ACAD10: variants seen among roughly 807,000 people sequenced by gnomAD.
The protein encoded by ACAD10 is ACAD-10.
A neutral mutation model predicts 116.8 loss-of-function variants in ACAD10; 112 were observed. That is an observed-to-expected ratio of 0.96 (90% CI 0.82 to 1.12). The LOEUF (loss-of-function observed/expected upper bound fraction) is 1.12. Among genes scored for constraint, ACAD10 ranks in the 50% most tolerant of loss-of-function variants. The pLI is 0.00. For missense variants in ACAD10, 1,259 were observed against 1,350.2 expected, an observed-to-expected ratio of 0.93 and a Z score of 1.06; for synonymous variants, 486 against 510.6, an observed-to-expected ratio of 0.95 and a Z score of 0.65.
rs1477794634 is a variant in ACAD10 at position 111,747,081 on chromosome 12, C to CA, written c.2290dup (p.Met764AsnfsTer45). 1.2e-6 allele frequency: 2 copies of CA among 1,611,938 alleles called. No individual in the cohort carries two copies. Among genetic ancestry groups the CA allele is most frequent in the Non-Finnish European group, 1.7e-6 (2 of 1,178,574 alleles). ...ACTGCTCTGCGCCTGACACGGGCAACATGGAGCTGCTGGTGAGGTATGGCA... is the reference window on the plus strand; with the variant it reads ...ACTGCTCTGCGCCTGACACGGGCAACAATGGAGCTGCTGGTGAGGTATGGCA... On this transcript the variant is annotated frameshift_variant, in exon 15 of 21. Coordinates refer to ENST00000313698, the MANE Select transcript of ACAD10 (RefSeq NM_025247.6). LOFTEE classifies it high-confidence loss of function.
In ACAD10 at chr12:111,701,999, C is replaced by T. The variant is rs543442151; in HGVS notation, c.188-163C>T. Among the ~76,000 whole-genome samples, 10 of 152,332 alleles carry T rather than the reference C, an allele frequency of 6.6e-5. No individual in the cohort carries two copies. The South Asian group carries it at 1.9e-3, about 28-fold the overall frequency. ...TTAGCATTGCTCTTCCTCTGGGGGT[C>T]TAAGGTTGAGATTTTGCATTTTGTG... On this transcript the variant is annotated intron_variant, in intron 2 of 20. Coordinates refer to ENST00000313698, the MANE Select transcript of ACAD10 (RefSeq NM_025247.6).
In ACAD10 at chr12:111,749,229, C is replaced by G. The variant is rs1659231764; in HGVS notation, c.2701C>G (p.Leu901Val). 6 of 1,614,128 alleles carry G rather than the reference C, an allele frequency of 3.7e-6. No individual in the cohort carries two copies. The highest frequency in any genetic ancestry group is 5.1e-6 in the Non-Finnish European group (6 of 1,180,026). ...GCGTGTGCCCAAAGAGAACATGGTC[C>G]TGGGCCCTGGCCGAGGCTTTGAGAT... ...HVRVPKENMV[L>V]GPGRGFEIAQ... Residue 901 changes from leucine to valine, a missense_variant, in exon 18 of 21, where the codon CTG becomes GTG. Leu to Val is a conservative substitution (Grantham distance 32). Coordinates refer to ENST00000313698, the MANE Select transcript of ACAD10 (RefSeq NM_025247.6).
chr12:111,704,187 G>T (rs1477879567), intron 3 of ACAD10, among the ~76,000 whole-genome samples: 1 of 151,346 alleles, frequency 6.6e-6, no homozygotes, highest in African/African-American at 2.4e-5. Context: ...TGTTGCCCAG[G>T]CTGGAGTGCA....
At chr12:111,730,068 C>A in intron 10 of ACAD10, 112 bp downstream of exon 10, 1 of 1,417,348 alleles carries the variant, frequency 7.1e-7, no homozygotes, top group Non-Finnish European at 9.4e-7. Context: ...TATTACAAAG[C>A]ACCTGTCTGT....
intron 16 of ACAD10, chr12:111,747,838 T>A: frequency 1.2e-6 from 1 of 839,878 alleles, no homozygotes; most frequent in Non-Finnish European, 1.5e-6. Flanking sequence ...AGCCCATACC[T>A]CCCTGGACAT....
chr12:111,690,165 C>G (rs1887995300), intron 1 of ACAD10, among the ~76,000 whole-genome samples: 1 of 152,070 alleles, frequency 6.6e-6, no homozygotes, highest in Admixed American at 6.6e-5. Context: ...TTGAGTATCC[C>G]TTGTCCCAAA....
At position 111,736,973 on chromosome 12, in the gene ACAD10, C is replaced by T. The variant is rs561759186; in HGVS notation, c.1683C>T (p.Ile561=). 1 of 1,613,824 alleles carries T rather than the reference C, an allele frequency of 6.2e-7. No individual in the cohort carries two copies. Among genetic ancestry groups the T allele is most frequent in the East Asian group, 2.2e-5 (1 of 44,864 alleles). Residue 561 remains isoleucine (I), a synonymous_variant, in exon 12 of 21, where the codon ATC becomes ATT. Coordinates refer to ENST00000313698, the MANE Select transcript of ACAD10 (RefSeq NM_025247.6). ...TTTCCTTTTTCCGTGTGGCTGCAAT[C>T]CTACAGGGAGTCTACAAGCGATCAC... ...MAFSFFRVAA[I]LQGVYKRSLT...
At chr12:111,720,362 T>C (rs1311638573) in intron 7 of ACAD10, among the ~76,000 whole-genome samples, 1 of 152,238 alleles carries the variant, frequency 6.6e-6, no homozygotes. Flanking sequence ...TGTCTAATTC[T>C]ATCATTACTG....
intron 18 of ACAD10, among the ~76,000 whole-genome samples, chr12:111,750,024 C>T (rs1487849323): frequency 2.6e-5 from 4 of 151,158 alleles, no homozygotes; most frequent in African/African-American, 9.7e-5. Context: ...CTGCCCGCCT[C>T]GGGCTCCCAA....
At chr12:111,690,087 A>G (rs1887991706) in intron 1 of ACAD10, among the ~76,000 whole-genome samples, 2 of 152,212 alleles carry the variant, frequency 1.3e-5, no homozygotes, top group Admixed American at 6.5e-5. Flanking sequence ...AGGGCTGACT[A>G]TAGATGAGAA....
chr12:111,717,586 T>A (rs1026039282), intron 7 of ACAD10, among the ~76,000 whole-genome samples: 2 of 151,846 alleles, frequency 1.3e-5, no homozygotes, highest in Admixed American at 6.6e-5. Flanking sequence ...TTTTTTTTTT[T>A]AGGCAGAGTG....
chr12:111,719,060 G>A (rs1860900685), intron 7 of ACAD10, among the ~76,000 whole-genome samples: 1 of 151,956 alleles, frequency 6.6e-6, no homozygotes, highest in Admixed American at 6.6e-5. Flanking sequence ...AGCGGAGATT[G>A]CAGTGAGCCA....
intron 10 of ACAD10, among the ~76,000 whole-genome samples, chr12:111,733,269 T>A (rs1159803247): frequency 3.3e-5 from 5 of 152,152 alleles, no homozygotes; most frequent in East Asian, 3.8e-4. Context: ...AGCTAATTTT[T>A]AAATTTTTTT....
At chr12:111,730,163 C>T (rs1889345868) in intron 10 of ACAD10, among the ~76,000 whole-genome samples, 2 of 152,158 alleles carry the variant, frequency 1.3e-5, no homozygotes, top group South Asian at 4.1e-4. Context: ...AGCTACTGTG[C>T]ATTGCAGGAT....
In ACAD10 at chr12:111,720,421, T is replaced by G. The variant is rs564275203; in HGVS notation, c.993-1250T>G. On this transcript the variant is annotated intron_variant, in intron 7 of 20. Coordinates refer to ENST00000313698, the MANE Select transcript of ACAD10 (RefSeq NM_025247.6). ...CTAAGACTTGTGGATTTCTCCATTTTTTTCTCTTTAATTTTGATCATTTTT... is the reference window on the plus strand; with the variant it reads ...CTAAGACTTGTGGATTTCTCCATTTGTTTCTCTTTAATTTTGATCATTTTT... 2.0e-5 allele frequency among the ~76,000 whole-genome samples: 3 copies of G among 152,332 alleles called. No individual in the cohort carries two copies. In the South Asian group the frequency reaches 6.2e-4, roughly 32 times the overall value.
intron 2 of ACAD10, among the ~76,000 whole-genome samples, chr12:111,697,695 C>G (rs972336187): frequency 6.6e-6 from 1 of 151,390 alleles, no homozygotes; most frequent in African/African-American, 2.4e-5. Flanking sequence ...CACCATTCTC[C>G]TGCCTCAGCC....
rs112401787 is a variant in ACAD10, at chr12:111,744,808, A to T, written c.1880A>T (p.Gln627Leu). ...SYHTWARPQSQWCPTGSRSYS... is the reference protein window; with the variant it reads ...SYHTWARPQSLWCPTGSRSYS... ...CACACGTGGGCCAGGCCCCAGTCCC[A>T]GTGGTGCCCCACAGGCAGCAGGAGT... Residue 627 changes from glutamine to leucine, a missense_variant, in exon 13 of 21, where the codon CAG becomes CTG. Physicochemically the swap from Gln to Leu is moderately radical, Grantham distance 113 (BLOSUM62 -2). Transcript: ENST00000313698. 5.2e-5 allele frequency: 84 copies of T among 1,614,126 alleles called. No individual in the cohort carries two copies. In the African/African-American group the frequency reaches 9.7e-4, roughly 19 times the overall value.
intron 3 of ACAD10, 140 bp downstream of exon 3, chr12:111,702,450 G>T (rs950012618): frequency 1.9e-5 from 23 of 1,232,590 alleles, no homozygotes; most frequent in Non-Finnish European, 2.6e-5. Flanking sequence ...TATTTCTTAG[G>T]CCAGGCGCAG....
chr12:111,735,205 C>T (rs925112807), intron 11 of ACAD10, among the ~76,000 whole-genome samples: 14 of 145,534 alleles, frequency 9.6e-5, no homozygotes, highest in Non-Finnish European at 1.8e-4. Context: ...GCCTAGGCAA[C>T]AGAGCAAGAC....
Sources: allele counts gnomAD v4.1 joint callset (sites outside exome capture counted in the v4.1 genomes callset), GRCh38; gene constraint gnomAD v4.1.1; transcripts MANE v1.5; gene names NCBI Gene and HGNC (gene_info 2026-07-23, HGNC 2026-07-21).